AK4: variants seen among roughly 807,000 people sequenced by gnomAD.
AK4 encodes the protein adenylate kinase 4.
Under a neutral mutation model 24.6 loss-of-function variants are expected in AK4, and 13 were observed. That is an observed-to-expected ratio of 0.53 (90% CI 0.34 to 0.84). AK4 has a LOEUF of 0.84. AK4 is among the 40% of genes least tolerant of loss of function. The pLI, the probability that AK4 is intolerant of heterozygous loss-of-function variation, is 0.01. For synonymous variants in AK4, 88 were observed against 107.0 expected (o/e 0.82, Z 1.10); for missense variants, 192 against 288.2 (o/e 0.67, Z 2.42).
chr1:65,209,637 T>C (rs1010743468), intron 2 of AK4, among the ~76,000 whole-genome samples: 1 of 152,196 alleles, frequency 6.6e-6, no homozygotes, highest in Non-Finnish European at 1.5e-5. Context: ...GAAGTACACC[T>C]GAATTGCTTT....
intron 1 of AK4, among the ~76,000 whole-genome samples, chr1:65,162,153 G>A (rs1254181319): frequency 6.6e-6 from 1 of 152,182 alleles, no homozygotes; most frequent in Non-Finnish European, 1.5e-5. Flanking sequence ...GGGAGGCTGA[G>A]GTGGATCACT....
chr1:65,148,686 G>A (rs1036124448), intron 1 of AK4, 134 bp downstream of exon 1: 39 of 1,294,466 alleles, frequency 3.0e-5, no homozygotes, highest in Non-Finnish European at 3.7e-5. Flanking sequence ...TACGTGCCGG[G>A]GCGCATGCAG....
chr1:65,169,007 G>A (rs1650422625), intron 1 of AK4, among the ~76,000 whole-genome samples: 1 of 151,866 alleles, frequency 6.6e-6, no homozygotes, highest in Non-Finnish European at 1.5e-5. Flanking sequence ...AAGACCATGT[G>A]TCTACAAAAA....
At chr1:65,194,549 C>T (rs1452876041) in intron 2 of AK4, among the ~76,000 whole-genome samples, 1 of 152,186 alleles carries the variant, frequency 6.6e-6, no homozygotes, top group African/African-American at 2.4e-5. Context: ...GCAACCTCCA[C>T]CTCCCAGGTT....
At chr1:65,186,292 T>C (rs1016208484) in intron 1 of AK4, among the ~76,000 whole-genome samples, 19 of 152,140 alleles carry the variant, frequency 1.2e-4, no homozygotes, top group African/African-American at 4.1e-4. Context: ...TGCATCACCA[T>C]ACCAAGCTAA....
chr1:65,160,286 T>G (rs1650117927), intron 1 of AK4, among the ~76,000 whole-genome samples: 1 of 152,204 alleles, frequency 6.6e-6, no homozygotes, highest in Admixed American at 6.6e-5. Context: ...GGCTGGGAAT[T>G]CCAAGATGAA....
intron 1 of AK4, among the ~76,000 whole-genome samples, chr1:65,165,561 GAAA>G (rs56293121): frequency 6.7e-5 from 9 of 134,514 alleles, no homozygotes; most frequent in Admixed American, 2.2e-4. Flanking sequence ...CCCATGTCTG[GAAA>G]AAAAAAAAAA....
chr1:65,207,468 C>G (rs1347570868), intron 2 of AK4, among the ~76,000 whole-genome samples: 2 of 152,008 alleles, frequency 1.3e-5, no homozygotes, highest in Admixed American at 1.3e-4. Flanking sequence ...TTCTAGAGCT[C>G]TCAGCACTGT....
intron 1 of AK4, among the ~76,000 whole-genome samples, chr1:65,183,689 G>GTATGTA (rs1557450622): frequency 7.9e-6 from 1 of 126,974 alleles, no homozygotes; most frequent in Non-Finnish European, 1.8e-5. Flanking sequence ...GTGTGTGTGT[G>GTATGTA]TGTGTATGTA....
At chr1:65,189,314 T>G (rs1651213496) in intron 1 of AK4, among the ~76,000 whole-genome samples, 2 of 146,760 alleles carry the variant, frequency 1.4e-5, no homozygotes, top group Non-Finnish European at 3.0e-5. Context: ...GAGATGGAGT[T>G]GTTGCCCAGA....
At position 65,228,802 on chromosome 1, in the gene AK4, C is replaced by CT. The variant is rs775169094; in HGVS notation, c.*2625_*2626insT. On this transcript the variant is annotated 3_prime_UTR_variant, in exon 5 of 5. Coordinates refer to ENST00000327299, the MANE Select transcript of AK4 (RefSeq NM_013410.4). ...GTGGTTCAGATGGTTTCTAAGATGC[C>CT]AACCTGACCTCGCATTCTGTCATTC... The CT allele has an allele frequency of 4.6e-5, 7 of 151,776 alleles. No individual in the cohort carries two copies. The highest frequency in any genetic ancestry group is 8.8e-5 in the Non-Finnish European group (6 of 67,970). The allele number at this position is 151,776 out of a possible 1,614,324, so 9.4% of individuals were successfully genotyped here.
At chr1:65,210,628 G>A (rs973906694) in intron 2 of AK4, among the ~76,000 whole-genome samples, 2 of 152,054 alleles carry the variant, frequency 1.3e-5, no homozygotes, top group Non-Finnish European at 2.9e-5. Flanking sequence ...GGTGGTGGTG[G>A]TATTATTATT....
At chr1:65,169,916 C>T (rs1350568580) in intron 1 of AK4, among the ~76,000 whole-genome samples, 7 of 152,072 alleles carry the variant, frequency 4.6e-5, no homozygotes, top group Non-Finnish European at 5.9e-5. Flanking sequence ...CACTCACTCC[C>T]TCACTCTAGG....
chr1:65,175,986 T>C (rs544239480), intron 1 of AK4, among the ~76,000 whole-genome samples: 62 of 152,322 alleles, frequency 4.1e-4, no homozygotes, highest in African/African-American at 1.4e-3. Flanking sequence ...GAAAATACAC[T>C]TGACATAGGA....
At chr1:65,174,997 G>A (rs1650664407) in intron 1 of AK4, among the ~76,000 whole-genome samples, 1 of 152,070 alleles carries the variant, frequency 6.6e-6, no homozygotes, top group Non-Finnish European at 1.5e-5. Context: ...GCTTAATCCT[G>A]CAATTAAGTG....
At chr1:65,223,805 A>T (rs1024513967) in intron 3 of AK4, among the ~76,000 whole-genome samples, 2 of 151,914 alleles carry the variant, frequency 1.3e-5, no homozygotes, top group Non-Finnish European at 2.9e-5. Flanking sequence ...GACCAGCCTG[A>T]CCAACGTGGT....
intron 1 of AK4, among the ~76,000 whole-genome samples, chr1:65,176,169 T>C (rs1650707529): frequency 6.6e-6 from 1 of 152,192 alleles, no homozygotes; most frequent in African/African-American, 2.4e-5. Context: ...TGTCTGGATA[T>C]CCTTTGTGCT....
rs976851624 is a variant in AK4 at position 65,167,316 on chromosome 1, C to A, written c.145+18764C>A. On this transcript the variant is annotated intron_variant, in intron 1 of 4. Transcript: ENST00000327299. ...AGCTGCTTCTATATTTTTTCTTCTG[C>A]ATAACTGGTAGAACAGCCAATGTAG... is the stretch of plus-strand genomic sequence containing the variant. 2.6e-5 allele frequency among the ~76,000 whole-genome samples: 4 copies of A among 152,066 alleles called. No individual in the cohort carries two copies. The East Asian group carries it at 7.7e-4, about 29-fold the overall frequency.
chr1:65,211,108 C>CT (rs377092574), intron 2 of AK4, among the ~76,000 whole-genome samples: 3 of 152,286 alleles, frequency 2.0e-5, no homozygotes, highest in African/African-American at 7.2e-5. Flanking sequence ...ATGCTGTACT[C>CT]TGCAGTTATT....
Sources: gnomAD v4.1 joint callset for allele counts (sites outside exome capture counted in the v4.1 genomes callset) on GRCh38, gnomAD v4.1.1 for gene constraint, MANE v1.5 for transcripts, NCBI Gene and HGNC (gene_info 2026-07-23, HGNC 2026-07-21) for gene names.